Variants in DLG5 observed in about 807,000 individuals in gnomAD.
DLG5 encodes the protein discs large MAGUK scaffold protein 5, also known as disks large homolog 5.
Under a neutral mutation model 189.8 loss-of-function variants are expected in DLG5, and 48 were observed. That is an observed-to-expected ratio of 0.25 (90% confidence interval 0.20 to 0.32). The LOEUF is 0.32. Among genes scored for constraint, DLG5 ranks in the 10% least tolerant of loss-of-function variants. The pLI is 1.00. For synonymous variants in DLG5, 1,016 were observed against 1,054.1 expected (o/e 0.96, Z 0.70); for missense variants, 2,160 against 2,544.7 (o/e 0.85, Z 3.25).
intron 5 of DLG5, chr10:77,845,444 A>T (rs890422671): frequency 4.6e-5 from 7 of 152,350 alleles, no homozygotes; most frequent in Middle Eastern, 3.4e-3. Flanking sequence ...AGCTCTCAAT[A>T]AACACGAAAA....
chr10:77,858,164 C>A (rs751538291), intron 2 of DLG5, among the ~76,000 whole-genome samples: 6 of 152,118 alleles, frequency 3.9e-5, no homozygotes, highest in African/African-American at 4.8e-5. Flanking sequence ...GGTTGTGGAA[C>A]CCCAACCACT....
intron 1 of DLG5, among the ~76,000 whole-genome samples, chr10:77,911,492 C>T (rs1374399737): frequency 2.6e-5 from 4 of 152,028 alleles, no homozygotes; most frequent in Non-Finnish European, 5.9e-5. Flanking sequence ...CTTTGTTTTG[C>T]TATCACCTTC....
intron 1 of DLG5, among the ~76,000 whole-genome samples, chr10:77,891,040 C>T (rs1161758458): frequency 6.6e-6 from 1 of 152,212 alleles, no homozygotes; most frequent in Admixed American, 6.5e-5. Flanking sequence ...ATCACTACTG[C>T]CTCTACCAAC....
At chr10:77,847,230 G>A (rs1006939185) in intron 5 of DLG5, among the ~76,000 whole-genome samples, 12 of 151,960 alleles carry the variant, frequency 7.9e-5, no homozygotes, top group African/African-American at 2.7e-4. Context: ...TCAGAAGACC[G>A]AGAGAGAGAG....
At chr10:77,867,879 A>G (rs1844747151) in intron 2 of DLG5, 2 of 453,284 alleles carry the variant, frequency 4.4e-6, no homozygotes, top group South Asian at 1.6e-5. Flanking sequence ...TTGCTGCCGT[A>G]AGGCAGGCTC....
In DLG5 at chr10:77,796,826, T is replaced by A. The variant is rs1193184719; in HGVS notation, c.5165-232A>T. 6.6e-6 allele frequency among the ~76,000 whole-genome samples: 1 copy of A among 152,176 alleles called. No individual in the cohort carries two copies. The highest frequency in any genetic ancestry group is 1.5e-5 in the Non-Finnish European group (1 of 68,034). On this transcript the variant is annotated intron_variant, in intron 27 of 31. Coordinates refer to ENST00000372391, the MANE Select transcript of DLG5 (RefSeq NM_004747.4). This position sits in a 1 kb window ranked among gnomAD's most constrained non-coding sequence, Gnocchi z 5.2. ...ACCAGAGGCAGCTGGTCTCAACCAC[T>A]CATCCCAGAGCTTCCTTCTGCTCTG...
At chr10:77,874,622 G>C (rs761134433) in intron 1 of DLG5, among the ~76,000 whole-genome samples, 1 of 152,204 alleles carries the variant, frequency 6.6e-6, no homozygotes, top group Non-Finnish European at 1.5e-5. Flanking sequence ...TTCACATCTA[G>C]ACTTGGGTCC....
At chr10:77,916,453 G>C (rs555230584) in intron 1 of DLG5, among the ~76,000 whole-genome samples, 1 of 151,912 alleles carries the variant, frequency 6.6e-6, no homozygotes, top group African/African-American at 2.4e-5. Flanking sequence ...CACCACGCCC[G>C]GCTAAATTTT....
Position 77,828,903 on chromosome 10 carries a change from A to G in DLG5, c.2268T>C (p.Ala756=), listed in dbSNP as rs748637307. 1 of 1,614,080 alleles carries G rather than the reference A, an allele frequency of 6.2e-7. No individual in the cohort carries two copies. The highest frequency in any genetic ancestry group is 1.7e-5 in the Admixed American group (1 of 60,008). ...GSPAAKEGSL[A]VGDRIVAING... ...TTACCGCAACGATCCTGTCTCCCACAGCAAGGGACCCTTCTTTAGCGGCAG... is the reference window on the plus strand; with the variant it reads ...TTACCGCAACGATCCTGTCTCCCACGGCAAGGGACCCTTCTTTAGCGGCAG... The change falls in exon 13 of 32, where the codon GCT becomes GCC. Residue 756 remains alanine, a synonymous_variant. Coordinates refer to ENST00000372391, the MANE Select transcript of DLG5 (RefSeq NM_004747.4).
At chr10:77,882,362 G>A (rs993027084) in intron 1 of DLG5, among the ~76,000 whole-genome samples, 1 of 152,132 alleles carries the variant, frequency 6.6e-6, no homozygotes, top group East Asian at 1.9e-4. Flanking sequence ...ACAGGCTGTC[G>A]TGCAGAGCAA....
intron 2 of DLG5, among the ~76,000 whole-genome samples, chr10:77,861,515 C>A (rs1844469538): frequency 6.6e-6 from 1 of 152,172 alleles, no homozygotes; most frequent in Admixed American, 6.5e-5. Context: ...CCCAACACAC[C>A]CCATCTCTGT....
At chr10:77,904,396 G>A (rs1185070096) in intron 1 of DLG5, among the ~76,000 whole-genome samples, 1 of 152,136 alleles carries the variant, frequency 6.6e-6, no homozygotes, top group East Asian at 1.9e-4. Context: ...GACTTTGGGG[G>A]ACTGTTGGGA....
chr10:77,847,651 T>C (rs1843759354), intron 5 of DLG5, among the ~76,000 whole-genome samples: 1 of 152,116 alleles, frequency 6.6e-6, no homozygotes, highest in South Asian at 2.1e-4. Context: ...CACATGCACA[T>C]GCACACACGA....
intron 7 of DLG5, among the ~76,000 whole-genome samples, chr10:77,838,331 G>A (rs950774458): frequency 1.4e-4 from 21 of 152,226 alleles, no homozygotes; most frequent in African/African-American, 5.1e-4. Flanking sequence ...CAGTGGTGCC[G>A]ACCTCAACTC....
chr10:77,897,872 A>G (rs1845811750), intron 1 of DLG5, among the ~76,000 whole-genome samples: 1 of 152,140 alleles, frequency 6.6e-6, no homozygotes, highest in African/African-American at 2.4e-5. Context: ...GTTTGAAAAT[A>G]TTCTATCCAA....
At chr10:77,905,859 T>C (rs1300833752) in intron 1 of DLG5, among the ~76,000 whole-genome samples, 1 of 152,208 alleles carries the variant, frequency 6.6e-6, no homozygotes, top group Non-Finnish European at 1.5e-5. Flanking sequence ...GTTCATATTC[T>C]TGCAAGATGG....
rs775584026 is a variant in DLG5, at chr10:77,821,220, C to A, written c.3264G>T (p.Leu1088=). ...YPEGDGDSSH[L]PAKKSCDEDL... ...CCTCATCACAGGATTTCTTGGCCGG[C>A]AGGTGGGAGGAGTCCCCATCTCCTT... The change falls in exon 15 of 32, where the codon CTG becomes CTT. Residue 1088 remains leucine, a synonymous_variant. Transcript: ENST00000372391. The A allele has an allele frequency of 2.5e-6, 4 of 1,614,154 alleles. No homozygotes were observed. In the Admixed American group the frequency reaches 6.7e-5, roughly 27 times the overall value.
At chr10:77,848,327 C>G (rs914432478) in intron 5 of DLG5, among the ~76,000 whole-genome samples, 1 of 152,120 alleles carries the variant, frequency 6.6e-6, no homozygotes, top group African/African-American at 2.4e-5. Context: ...ATTCAGGATA[C>G]CTGGGACAAG....
chr10:77,856,676 G>A (rs1589223307), intron 3 of DLG5, 54 bp downstream of exon 3: 3 of 1,584,438 alleles, frequency 1.9e-6, no homozygotes, highest in East Asian at 2.3e-5. Context: ...CACCAGCATC[G>A]GGGTAGTAAT....
Sources: gnomAD v4.1 joint callset for allele counts (sites outside exome capture counted in the v4.1 genomes callset) on GRCh38, gnomAD v4.1.1 for gene constraint, Gnocchi (gnomAD v3.1) non-coding constraint, MANE v1.5 for transcripts, NCBI Gene and HGNC (gene_info 2026-07-23, HGNC 2026-07-21) for gene names.